The following CDH4 variants were observed in gnomAD, a reference collection of about 807,000 sequenced individuals.
CDH4 encodes the protein cadherin-4.
In CDH4, 33 loss-of-function variants were observed where a neutral mutation model predicts 86.0. The ratio of observed to expected loss-of-function variants is 0.38; its 90% CI spans 0.29 to 0.51. CDH4 has a LOEUF of 0.51. CDH4 is among the 20% of genes least tolerant of loss of function. CDH4 has a pLI of 0.86. For missense variants in CDH4, 1,114 were observed against 1,307.4 expected, an observed-to-expected ratio of 0.85 and a Z score of 2.28; for synonymous variants, 555 against 549.4, an observed-to-expected ratio of 1.01 and a Z score of -0.14.
At chr20:61,848,017 G>A (rs139429096) in intron 5 of CDH4, among the ~76,000 whole-genome samples, 116 of 152,346 alleles carry the variant, frequency 7.6e-4, no homozygotes, top group East Asian at 3.9e-3. Flanking sequence ...ACCTCCATTC[G>A]TCTGTTTATT....
intron 2 of CDH4, among the ~76,000 whole-genome samples, chr20:61,349,851 T>A (rs1196993154): frequency 2.0e-5 from 3 of 152,146 alleles, no homozygotes; most frequent in African/African-American, 7.2e-5. Flanking sequence ...CAAGTTCATG[T>A]GGGACCCAGC....
intron 4 of CDH4, among the ~76,000 whole-genome samples, chr20:61,797,396 G>A (rs2146025841): frequency 6.6e-6 from 1 of 152,350 alleles, no homozygotes; most frequent in East Asian, 1.9e-4. Context: ...GGATCTGGCA[G>A]CTGAGCTGCA....
intron 2 of CDH4, among the ~76,000 whole-genome samples, chr20:61,299,169 AAGAAG>A (rs1338927147): frequency 6.6e-6 from 1 of 152,160 alleles, no homozygotes; most frequent in Non-Finnish European, 1.5e-5. Flanking sequence ...CTTATAAGAA[AAGAAG>A]AGGAAACCGA....
At chr20:61,521,874 C>T (rs982268006) in intron 2 of CDH4, among the ~76,000 whole-genome samples, 10 of 152,194 alleles carry the variant, frequency 6.6e-5, no homozygotes, top group African/African-American at 2.2e-4. Flanking sequence ...ATTTTAGTCG[C>T]ATTTCCTGTT....
At chr20:61,347,617 C>G (rs2084686777) in intron 2 of CDH4, among the ~76,000 whole-genome samples, 1 of 152,200 alleles carries the variant, frequency 6.6e-6, no homozygotes, top group Non-Finnish European at 1.5e-5. Flanking sequence ...CTGAGAGACA[C>G]ATAAGGCTGT....
chr20:61,489,910 G>T (rs2085616654), intron 2 of CDH4, among the ~76,000 whole-genome samples: 1 of 152,132 alleles, frequency 6.6e-6, no homozygotes. Context: ...TACAGCTCCT[G>T]GGCCCCTCTA....
chr20:61,644,137 G>A (rs2087037732), intron 2 of CDH4, among the ~76,000 whole-genome samples: 2 of 152,192 alleles, frequency 1.3e-5, no homozygotes, highest in Admixed American at 1.3e-4. Context: ...TGAGGAACTT[G>A]ATCCAATATC....
intron 2 of CDH4, among the ~76,000 whole-genome samples, chr20:61,362,002 G>A (rs550111718): frequency 1.3e-5 from 2 of 152,368 alleles, no homozygotes; most frequent in East Asian, 3.9e-4. Flanking sequence ...ACCAGCAAGT[G>A]TCTTGCCCAG....
chr20:61,255,064 A>C (rs1268523003), intron 2 of CDH4, 127 bp downstream of exon 2: 2 of 665,890 alleles, frequency 3.0e-6, no homozygotes, highest in African/African-American at 1.8e-5. Flanking sequence ...GGTGAAGTCC[A>C]CGAGGTGCAA....
intron 2 of CDH4, among the ~76,000 whole-genome samples, chr20:61,472,470 AT>A (rs1480707938): frequency 6.6e-6 from 1 of 151,696 alleles, no homozygotes; most frequent in Non-Finnish European, 1.5e-5. Flanking sequence ...TTCTGTCTTC[AT>A]TTTGGTGAAG....
intron 2 of CDH4, among the ~76,000 whole-genome samples, chr20:61,721,240 A>G (rs1359657719): frequency 1.3e-5 from 2 of 152,230 alleles, no homozygotes; most frequent in Non-Finnish European, 2.9e-5. Flanking sequence ...TTTGCTCTCT[A>G]AGGAAAGCCC....
At chr20:61,925,294 G>A (rs1459504607) in intron 11 of CDH4, among the ~76,000 whole-genome samples, 3 of 152,192 alleles carry the variant, frequency 2.0e-5, no homozygotes, top group Non-Finnish European at 4.4e-5. Flanking sequence ...CGGGTCGCAC[G>A]CTCTCAGAGG....
chr20:61,750,729 A>G (rs998471157), intron 3 of CDH4, among the ~76,000 whole-genome samples: 1 of 152,266 alleles, frequency 6.6e-6, no homozygotes, highest in African/African-American at 2.4e-5. Flanking sequence ...TATGAATGTT[A>G]GAAAATGTAA....
chr20:61,760,616 G>A (rs2088622838), intron 3 of CDH4, among the ~76,000 whole-genome samples: 1 of 152,136 alleles, frequency 6.6e-6, no homozygotes, highest in Non-Finnish European at 1.5e-5. Context: ...CCCAGACCTC[G>A]GTGCACCGAC....
At chr20:61,280,218 G>C (rs2084251428) in intron 2 of CDH4, among the ~76,000 whole-genome samples, 3 of 152,120 alleles carry the variant, frequency 2.0e-5, no homozygotes, top group African/African-American at 7.2e-5. Flanking sequence ...TCAGGGCCAG[G>C]GTACACATAG....
At chr20:61,362,080 G>T (rs1474960905) in intron 2 of CDH4, among the ~76,000 whole-genome samples, 1 of 152,240 alleles carries the variant, frequency 6.6e-6, no homozygotes, top group Non-Finnish European at 1.5e-5. Flanking sequence ...CCCTTAGCCA[G>T]CATGGTCGGT....
chr20:61,366,736 G>A (rs2084812493), intron 2 of CDH4, among the ~76,000 whole-genome samples: 1 of 152,210 alleles, frequency 6.6e-6, no homozygotes, highest in African/African-American at 2.4e-5. Context: ...TGGGCCAGGT[G>A]TTCCTTGCCC....
intron 2 of CDH4, among the ~76,000 whole-genome samples, chr20:61,542,716 A>T (rs1157473738): frequency 6.6e-6 from 1 of 152,220 alleles, no homozygotes; most frequent in Non-Finnish European, 1.5e-5. Context: ...TTTTCCTCTT[A>T]ATAAATAGCT....
chr20:61,929,574 G>A, intron 12 of CDH4, 35 bp from the exon 13 acceptor site: 1 of 1,527,926 alleles, frequency 6.5e-7, no homozygotes, highest in Non-Finnish European at 9.1e-7. Flanking sequence ...CGAGGGCCGG[G>A]CTCTGGTTGA....
Sources: gnomAD v4.1 joint callset for allele counts (sites outside exome capture counted in the v4.1 genomes callset) on GRCh38, gnomAD v4.1.1 for gene constraint, MANE v1.5 for transcripts, NCBI Gene and HGNC (gene_info 2026-07-23, HGNC 2026-07-21) for gene names.